SLC24A5: variants seen among roughly 807,000 people sequenced by gnomAD.
SLC24A5 encodes solute carrier family 24 member 5, also known as sodium/potassium/calcium exchanger 5.
SLC24A5 carries 46 observed loss-of-function variants against 51.6 expected under a neutral mutation model. That is an observed-to-expected ratio of 0.89 (90% CI 0.70 to 1.14). The LOEUF is 1.14. SLC24A5 is among the 50% of genes most tolerant of loss of function. SLC24A5 has a pLI of 0.00. For missense variants in SLC24A5, 581 were observed against 604.1 expected (o/e 0.96, Z 0.40); for synonymous variants, 230 against 214.9 (o/e 1.07, Z -0.62).
Position 48,126,990 on chromosome 15 carries a change from G to A in SLC24A5, c.301+4954G>A, listed in dbSNP as rs1034211487. ...ACAGCTGGAGGGGAAGGACACAGCC[G>A]TCATATGCTCTAGTGCCACACTCTT... On this transcript the variant is annotated intron_variant, in intron 2 of 8. Transcript: ENST00000341459. Among the ~76,000 whole-genome samples, 6 of 152,128 alleles carry A rather than the reference G, an allele frequency of 3.9e-5. No homozygotes were observed. In the East Asian group the frequency reaches 5.8e-4, roughly 15 times the overall value.
intron 2 of SLC24A5, among the ~76,000 whole-genome samples, chr15:48,125,781 A>T (rs898114030): frequency 3.9e-5 from 6 of 152,224 alleles, no homozygotes; most frequent in African/African-American, 1.4e-4. Context: ...TCATGAGATC[A>T]TAATGTAGTA....
intron 7 of SLC24A5, 191 bp from the exon 8 acceptor site, chr15:48,140,922 C>T: frequency 2.1e-6 from 1 of 483,092 alleles, no homozygotes; most frequent in South Asian, 2.3e-5. Context: ...TCTGTGCTAC[C>T]TGGGTTACCC....
intron 7 of SLC24A5, 126 bp from the exon 8 acceptor site, chr15:48,140,987 C>A (rs1442081537): frequency 8.7e-6 from 6 of 690,776 alleles, no homozygotes; most frequent in Non-Finnish European, 1.5e-5. Flanking sequence ...TAAGCAAGCA[C>A]ATATTGGCTC....
rs753678842 is a variant in SLC24A5, at chr15:48,139,179, T to C, written c.1078+4T>C. The C allele has an allele frequency of 1.2e-6, 2 of 1,604,986 alleles. No homozygotes were observed. Among genetic ancestry groups the C allele is most frequent in the Non-Finnish European group, 8.5e-7 (1 of 1,173,452 alleles). On this transcript the variant is annotated splice_donor_region_variant and intron_variant, in intron 7 of 8. Transcript: ENST00000341459. The stretch of plus-strand genomic sequence containing the variant: ...GTTTGGATGGTCACAATAACTGGTA[T>C]GTATTTTAAGTACAATAGCACAACT...
chr15:48,129,702 A>G (rs1382651970), intron 2 of SLC24A5, among the ~76,000 whole-genome samples: 1 of 151,820 alleles, frequency 6.6e-6, no homozygotes, highest in African/African-American at 2.4e-5. Context: ...AAATTTTGGT[A>G]ATGTAGACTT....
Position 48,121,093 on chromosome 15 carries a change from G to C in SLC24A5, c.49G>C (p.Gly17Arg), listed in dbSNP as rs370452726. The C allele has an allele frequency of 1.2e-5, 19 of 1,613,786 alleles. No homozygotes were observed. The highest frequency in any genetic ancestry group is 1.6e-5 in the Non-Finnish European group (19 of 1,179,922). Residue 17 changes from glycine to arginine, a missense_variant, in exon 1 of 9, where the codon GGC (glycine) becomes CGC (arginine). Coordinates refer to ENST00000341459, the MANE Select transcript of SLC24A5 (RefSeq NM_205850.3). ...ATGGGCGAGAAGGGCTCTGTTGCTCGGCATCCTGTGGGCCACTGCACATCT... is the reference window on the plus strand; with the variant it reads ...ATGGGCGAGAAGGGCTCTGTTGCTCCGCATCCTGTGGGCCACTGCACATCT... ...QTWARRALLL[G>R]ILWATAHLPL... is the part of the protein sequence containing the mutation.
At chr15:48,124,404 A>G (rs2038710555) in intron 2 of SLC24A5, 2 of 152,122 alleles carry the variant, frequency 1.3e-5, no homozygotes. Context: ...CTTTTTGTAC[A>G]TTCTTATGCC....
intron 2 of SLC24A5, 46 bp downstream of exon 2, chr15:48,122,082 C>T: frequency 6.3e-7 from 1 of 1,580,528 alleles, no homozygotes; most frequent in South Asian, 1.1e-5. Flanking sequence ...GAGAGTGTGC[C>T]ACACAGATAT....
At chr15:48,136,581 G>A in intron 5 of SLC24A5, 102 bp from the exon 6 acceptor site, 1 of 1,081,906 alleles carries the variant, frequency 9.2e-7, no homozygotes, top group Non-Finnish European at 1.3e-6. Flanking sequence ...TTGTTCTATG[G>A]CTACTTTTGT....
intron 4 of SLC24A5, 132 bp from the exon 5 acceptor site, chr15:48,134,751 AT>A (rs1052865486): frequency 2.5e-6 from 2 of 814,786 alleles, no homozygotes; most frequent in Non-Finnish European, 3.8e-6. Context: ...ACAATTTTAC[AT>A]TTTTTTCTCT....
intron 2 of SLC24A5, among the ~76,000 whole-genome samples, chr15:48,131,659 G>C (rs1050858392): frequency 1.3e-5 from 2 of 152,034 alleles, no homozygotes; most frequent in Non-Finnish European, 2.9e-5. Context: ...GAGGAATCAT[G>C]AGCCAAATAA....
chr15:48,134,310 T>C lies in SLC24A5; in HGVS notation c.354T>C (p.Ser118=). Residue 118 remains serine (S), a synonymous_variant, in exon 3 of 9, where the codon AGT becomes AGC. Transcript: ENST00000341459. ...VAGTTFMAAG[S]SAPELVTAFL... The stretch of plus-strand genomic sequence containing the variant: ...GCACAACTTTCATGGCAGCGGGCAG[T>C]TCAGCTCCTGAATTAGTTACTGCTT... 6.2e-7 allele frequency: 1 copy of C among 1,613,684 alleles called. No individual in the cohort carries two copies.
At position 48,142,022 on chromosome 15, in the gene SLC24A5, T is replaced by G; in HGVS notation, c.1181-7T>G. On this transcript the variant is annotated splice_polypyrimidine_tract_variant and splice_region_variant and intron_variant, in intron 8 of 8. Coordinates refer to ENST00000341459, the MANE Select transcript of SLC24A5 (RefSeq NM_205850.3). ...GCACATTTTAACAGTATGCTTTTCT[T>G]TTGTAGGGAAAGGAGATATGGCTAT... 6.3e-6 allele frequency: 10 copies of G among 1,595,380 alleles called. No individual in the cohort carries two copies. The highest frequency in any genetic ancestry group is 8.6e-6 in the Non-Finnish European group (10 of 1,168,936).
chr15:48,121,976 A>G lies in SLC24A5; in HGVS notation c.241A>G (p.Met81Val), dbSNP rs1433124568. The stretch of plus-strand genomic sequence containing the variant: ...TTTCCTAATTATCGTTTACATGTTC[A>G]TGGCCATATCTATTGTCTGTGATGA... The part of the protein sequence containing the change: ...IYFLIIVYMF[M>V]AISIVCDEYF... Residue 81 changes from methionine to valine, a missense_variant, in exon 2 of 9, where the codon ATG (methionine) becomes GTG (valine). Met to Val is a conservative substitution (Grantham distance 21, BLOSUM62 1). Coordinates refer to ENST00000341459, the MANE Select transcript of SLC24A5 (RefSeq NM_205850.3). 6.2e-7 allele frequency: 1 copy of G among 1,614,030 alleles called. No homozygotes were observed. The highest frequency in any genetic ancestry group is 8.5e-7 in the Non-Finnish European group (1 of 1,180,012).
intron 2 of SLC24A5, chr15:48,123,075 C>T (rs951480134): frequency 9.9e-5 from 15 of 152,012 alleles, no homozygotes; most frequent in African/African-American, 3.6e-4. Flanking sequence ...CTCCCTTGTT[C>T]ACTGCAGTAT....
chr15:48,121,064 A>G lies in SLC24A5; in HGVS notation c.20A>G (p.Gln7Arg). 6.2e-7 allele frequency: 1 copy of G among 1,613,920 alleles called. No individual in the cohort carries two copies. Among genetic ancestry groups the G allele is most frequent in the Non-Finnish European group, 8.5e-7 (1 of 1,179,886 alleles). The change falls in exon 1 of 9, where the codon CAA (glutamine) becomes CGA (arginine). Residue 7 changes from glutamine to arginine, a missense_variant. Coordinates refer to ENST00000341459, the MANE Select transcript of SLC24A5 (RefSeq NM_205850.3). ...GCAGAAATGCAGACAAAAGGGGGCCAAACATGGGCGAGAAGGGCTCTGTTG... is the reference window on the plus strand; with the variant it reads ...GCAGAAATGCAGACAAAAGGGGGCCGAACATGGGCGAGAAGGGCTCTGTTG... MQTKGG[Q>R]TWARRALLLG...
rs1034022904 is a variant in SLC24A5, at chr15:48,142,061, G to A, written c.1213G>A (p.Gly405Arg). 5.6e-6 allele frequency: 9 copies of A among 1,612,814 alleles called. No homozygotes were observed. The Admixed American group carries it at 8.3e-5, about 15-fold the overall frequency. Residue 405 changes from glycine (G) to arginine (R), a missense_variant, in exon 9 of 9, where the codon GGA (glycine) becomes AGA (arginine). By Grantham distance (125) the Gly-to-Arg change is moderately radical. Coordinates refer to ENST00000341459, the MANE Select transcript of SLC24A5 (RefSeq NM_205850.3). The part of the protein sequence containing the change: ...KGDMAMSNIV[G>R]SNVFDMLCLG... ...AGATATGGCTATGTCTAACATCGTG[G>A]GATCCAATGTGTTTGATATGTTGTG...
intron 6 of SLC24A5, chr15:48,137,432 G>T (rs144361552): frequency 4.6e-5 from 7 of 152,742 alleles, no homozygotes; most frequent in African/African-American, 1.7e-4. Context: ...AAAGGAATAG[G>T]ATAAGAAGAA....
In SLC24A5 at chr15:48,121,974, T is replaced by C. The variant is rs995818723; in HGVS notation, c.239T>C (p.Phe80Ser). 1.9e-6 allele frequency: 3 copies of C among 1,614,208 alleles called. No homozygotes were observed. The South Asian group carries it at 3.3e-5, about 18-fold the overall frequency. Residue 80 changes from phenylalanine to serine, a missense_variant, in exon 2 of 9, where the codon TTC becomes TCC. Phe to Ser is a radical substitution (Grantham distance 155, BLOSUM62 -2). Coordinates refer to ENST00000341459, the MANE Select transcript of SLC24A5 (RefSeq NM_205850.3). ...TATTTCCTAATTATCGTTTACATGT[T>C]CATGGCCATATCTATTGTCTGTGAT... ...IIYFLIIVYM[F>S]MAISIVCDEY...
Sources: allele counts gnomAD v4.1 joint callset (sites outside exome capture counted in the v4.1 genomes callset), GRCh38; gene constraint gnomAD v4.1.1; transcripts MANE v1.5; gene names NCBI Gene and HGNC (gene_info 2026-07-23, HGNC 2026-07-21).